PALD1: variants seen among roughly 807,000 people sequenced by gnomAD.
PALD1 encodes phosphatase domain containing paladin 1, also known as paladin.
A neutral mutation model predicts 96.0 loss-of-function variants in PALD1; 57 were observed. The ratio of observed to expected loss-of-function variants is 0.59; its 90% CI spans 0.48 to 0.74. PALD1 has a LOEUF of 0.74. Among genes scored for constraint, PALD1 ranks in the 30% least tolerant of loss-of-function variants. The pLI, the probability that PALD1 is intolerant of heterozygous loss-of-function variation, is 0.00. For synonymous variants in PALD1, 464 were observed against 473.6 expected (o/e 0.98, Z 0.26); for missense variants, 1,063 against 1,143.7 (o/e 0.93, Z 1.02).
In PALD1 at chr10:70,532,601, A is replaced by T. The variant is rs1420543713; in HGVS notation, c.634-20A>T. ...TTGAAGTTCAGGCCATGGCCCTCTG[A>T]CCCCCACACCTCCCTCTAGATCCAC... is the stretch of plus-strand genomic sequence containing the variant. On this transcript the variant is annotated intron_variant, in intron 5 of 19. Transcript: ENST00000263563. The T allele has an allele frequency of 6.2e-7, 1 of 1,611,018 alleles. No individual in the cohort carries two copies.
intron 1 of PALD1, among the ~76,000 whole-genome samples, chr10:70,518,772 TC>T (rs1295322213): frequency 6.6e-6 from 1 of 152,106 alleles, no homozygotes; most frequent in Non-Finnish European, 1.5e-5. Flanking sequence ...GCGCTCAGGG[TC>T]TCTGGCTCTC....
chr10:70,533,232 A>G (rs984242108), intron 7 of PALD1, among the ~76,000 whole-genome samples, 162 bp downstream of exon 7: 1 of 151,588 alleles, frequency 6.6e-6, no homozygotes, highest in African/African-American at 2.4e-5. Flanking sequence ...CTGTCTCTGT[A>G]TATGTCTGTG....
intron 17 of PALD1, among the ~76,000 whole-genome samples, chr10:70,543,931 G>A (rs1019525787): frequency 1.3e-5 from 2 of 152,228 alleles, no homozygotes; most frequent in Admixed American, 6.5e-5. Context: ...GGTGGGGCTG[G>A]GGTATAAGCC....
At chr10:70,504,392 G>A (rs1208515165) in intron 1 of PALD1, among the ~76,000 whole-genome samples, 1 of 152,150 alleles carries the variant, frequency 6.6e-6, no homozygotes, top group African/African-American at 2.4e-5. Context: ...GCATGGTGGT[G>A]CATGCCTGTG....
At chr10:70,547,915 G>A (rs745651321) in intron 18 of PALD1, among the ~76,000 whole-genome samples, 2 of 152,176 alleles carry the variant, frequency 1.3e-5, no homozygotes, top group East Asian at 1.9e-4. Context: ...ATCTCAGGAC[G>A]TGGGTATGTC....
upstream of PALD1, among the ~76,000 whole-genome samples, chr10:70,478,601 A>G (rs1845866717): frequency 6.6e-6 from 1 of 152,038 alleles, no homozygotes; most frequent in African/African-American, 2.4e-5. Context: ...CGGAGGGAGG[A>G]AGCGCAGCCG....
intron 1 of PALD1, among the ~76,000 whole-genome samples, chr10:70,488,375 C>A (rs961591598): frequency 6.6e-6 from 1 of 152,210 alleles, no homozygotes; most frequent in African/African-American, 2.4e-5. Flanking sequence ...CCTGCCTCAG[C>A]CTCCTAAAGT....
At chr10:70,565,944 A>G (rs1847840615) in intron 19 of PALD1, among the ~76,000 whole-genome samples, 1 of 152,208 alleles carries the variant, frequency 6.6e-6, no homozygotes, top group Admixed American at 6.5e-5. Context: ...CGGTCCAGGC[A>G]GAAGTGTGGG....
chr10:70,507,336 CAGG>C (rs1399965680), intron 1 of PALD1, among the ~76,000 whole-genome samples: 1 of 152,100 alleles, frequency 6.6e-6, no homozygotes, highest in Admixed American at 6.6e-5. Flanking sequence ...CGCTTGAATA[CAGG>C]AGGAGGAGGT....
At chr10:70,521,824 C>T (rs552778501) in intron 1 of PALD1, among the ~76,000 whole-genome samples, 2 of 151,948 alleles carry the variant, frequency 1.3e-5, no homozygotes, top group East Asian at 1.9e-4. Flanking sequence ...ATGAAGCAAG[C>T]GCAGCTGGTT....
chr10:70,460,787 G>A, the PALD1 span, among the ~76,000 whole-genome samples: 1 of 152,222 alleles, frequency 6.6e-6, no homozygotes, highest in Non-Finnish European at 1.5e-5. Flanking sequence ...CGGGCCAGGT[G>A]GCTCACGCCT....
At chr10:70,546,604 C>T (rs556152538) in intron 17 of PALD1, among the ~76,000 whole-genome samples, 3 of 152,310 alleles carry the variant, frequency 2.0e-5, no homozygotes, top group South Asian at 4.1e-4. Flanking sequence ...GCTTATGCCA[C>T]AGTTTATCAA....
intron 1 of PALD1, among the ~76,000 whole-genome samples, chr10:70,482,341 A>G (rs1208967151): frequency 6.6e-6 from 1 of 152,188 alleles, no homozygotes; most frequent in Non-Finnish European, 1.5e-5. Context: ...TGCTAAGAAT[A>G]GTCCCAAATC....
chr10:70,532,455 C>T (rs1379002937), intron 5 of PALD1, among the ~76,000 whole-genome samples, 166 bp from the exon 6 acceptor site: 1 of 152,206 alleles, frequency 6.6e-6, no homozygotes, highest in Non-Finnish European at 1.5e-5. Flanking sequence ...TTCAGAACTC[C>T]CAGGAATGGC....
chr10:70,492,956 A>C (rs987778970), intron 1 of PALD1, among the ~76,000 whole-genome samples: 3 of 152,310 alleles, frequency 2.0e-5, no homozygotes, highest in Middle Eastern at 3.4e-3. Context: ...AGGGTCCTGC[A>C]TCACCTCTTG....
intron 18 of PALD1, among the ~76,000 whole-genome samples, chr10:70,561,087 G>A (rs1378036717): frequency 2.0e-5 from 3 of 152,210 alleles, no homozygotes; most frequent in Non-Finnish European, 4.4e-5. Context: ...TGAATTTGGA[G>A]ATAATTCTAC....
chr10:70,467,369 C>T, the PALD1 span, among the ~76,000 whole-genome samples: 5 of 104,272 alleles, frequency 4.8e-5, no homozygotes, highest in African/African-American at 1.6e-4. Context: ...GGCAGTCCCC[C>T]GGGAGGAGGT....
At chr10:70,470,892 C>T in the PALD1 span, among the ~76,000 whole-genome samples, 1 of 152,114 alleles carries the variant, frequency 6.6e-6, no homozygotes, top group Admixed American at 6.6e-5. Context: ...ACCTCCGCCT[C>T]CTGGGTTCAA....
the PALD1 span, among the ~76,000 whole-genome samples, chr10:70,468,579 A>G: frequency 1.3e-5 from 2 of 152,108 alleles, no homozygotes; most frequent in South Asian, 4.1e-4. Context: ...TTCTTTCCCT[A>G]GAGCCCAAGT....
Sources: allele counts gnomAD v4.1 joint callset (sites outside exome capture counted in the v4.1 genomes callset), GRCh38; gene constraint gnomAD v4.1.1; transcripts MANE v1.5; gene names NCBI Gene and HGNC (gene_info 2026-07-23, HGNC 2026-07-21).